The following DLG2 variants were observed in gnomAD, a reference collection of about 807,000 sequenced individuals.
The protein encoded by DLG2 is disks large homolog 2.
Under a neutral mutation model 132.5 loss-of-function variants are expected in DLG2, and 45 were observed. That is an observed-to-expected ratio of 0.34 (90% CI 0.27 to 0.44). The LOEUF (loss-of-function observed/expected upper bound fraction) is 0.44. DLG2 is among the 20% of genes least tolerant of loss of function. DLG2 has a pLI of 1.00. For missense variants in DLG2, 1,045 were observed against 1,196.9 expected (o/e 0.87, Z 1.87); for synonymous variants, 424 against 419.6 (o/e 1.01, Z -0.13).
intron 6 of DLG2, among the ~76,000 whole-genome samples, chr11:84,895,391 T>A (rs11234229): frequency 0.097 from 14,728 of 152,124 alleles, 940 homozygotes; most frequent in African/African-American, 0.18. Context: ...TATTATTTTT[T>A]AAAAAAGACC....
At chr11:83,740,617 T>C (rs1027235410) in intron 18 of DLG2, among the ~76,000 whole-genome samples, 1 of 152,198 alleles carries the variant, frequency 6.6e-6, no homozygotes, top group African/African-American at 2.4e-5. Flanking sequence ...TTCTGATTTG[T>C]GCATTTTCCT....
intron 6 of DLG2, among the ~76,000 whole-genome samples, chr11:84,593,693 T>C (rs948055999): frequency 3.9e-5 from 6 of 152,110 alleles, no homozygotes; most frequent in African/African-American, 1.4e-4. Context: ...AAATACCTAA[T>C]GTAGACGACG....
At position 85,276,681 on chromosome 11, in the gene DLG2, C is replaced by G. The variant is rs192326379; in HGVS notation, c.186+8539G>C. ...CTAAGCATCTTTTCACTGGGTCAAC[C>G]AGGAAATTTTAATTCATGTTTCTAG... On this transcript the variant is annotated intron_variant, in intron 4 of 27. Transcript: ENST00000376104. 1.4e-4 allele frequency among the ~76,000 whole-genome samples: 21 copies of G among 152,208 alleles called. 1 individual carries two copies. Among genetic ancestry groups the G allele is most frequent in the African/African-American group, 4.1e-4 (17 of 41,542 alleles).
intron 7 of DLG2, among the ~76,000 whole-genome samples, chr11:84,426,621 T>C (rs1447052940): frequency 6.6e-6 from 1 of 152,130 alleles, no homozygotes; most frequent in Non-Finnish European, 1.5e-5. Flanking sequence ...AATGTTATTA[T>C]TATTATCTAC....
intron 19 of DLG2, among the ~76,000 whole-genome samples, chr11:83,604,145 A>G (rs1424469877): frequency 6.6e-6 from 1 of 152,228 alleles, no homozygotes; most frequent in Non-Finnish European, 1.5e-5. Flanking sequence ...CTAAATTAAA[A>G]ACAAAAAGAC....
intron 19 of DLG2, among the ~76,000 whole-genome samples, chr11:83,624,932 A>G (rs555260565): frequency 6.6e-6 from 1 of 152,300 alleles, no homozygotes; most frequent in Admixed American, 6.5e-5. Context: ...CAGGTACCTG[A>G]TCATGTTCCC....
chr11:84,609,286 T>C (rs754880266), intron 6 of DLG2, among the ~76,000 whole-genome samples: 3 of 152,118 alleles, frequency 2.0e-5, no homozygotes, highest in African/African-American at 7.2e-5. Flanking sequence ...ATAGACCCTA[T>C]CTCAGTGGCT....
At chr11:84,110,535 G>C (rs1352189575) in intron 9 of DLG2, among the ~76,000 whole-genome samples, 2 of 152,126 alleles carry the variant, frequency 1.3e-5, no homozygotes, top group Non-Finnish European at 2.9e-5. Flanking sequence ...GAAGGAAAAT[G>C]GGGAAGCATC....
intron 7 of DLG2, among the ~76,000 whole-genome samples, chr11:84,496,288 G>T (rs2099183558): frequency 6.6e-6 from 1 of 152,170 alleles, no homozygotes; most frequent in African/African-American, 2.4e-5. Context: ...GATGAACAAT[G>T]ACTACTGCAT....
chr11:85,207,566 G>A (rs1014164008), intron 4 of DLG2, among the ~76,000 whole-genome samples: 1 of 152,038 alleles, frequency 6.6e-6, no homozygotes, highest in African/African-American at 2.4e-5. Context: ...GCAATTCTCA[G>A]TGCTTAACAC....
At chr11:84,776,367 G>A in intron 6 of DLG2, among the ~76,000 whole-genome samples, 1 of 152,060 alleles carries the variant, frequency 6.6e-6, no homozygotes, top group Non-Finnish European at 1.5e-5. Flanking sequence ...ATGTTGCCCA[G>A]GCTGGTCTTG....
intron 6 of DLG2, among the ~76,000 whole-genome samples, chr11:84,873,361 C>T (rs755440363): frequency 6.6e-6 from 1 of 152,204 alleles, no homozygotes; most frequent in Non-Finnish European, 1.5e-5. Context: ...CCAGAACCTC[C>T]AAAAGGAACA....
chr11:84,408,336 G>GTTAT (rs1567554421), intron 7 of DLG2, among the ~76,000 whole-genome samples: 4 of 121,208 alleles, frequency 3.3e-5, no homozygotes, highest in Admixed American at 2.2e-4. Flanking sequence ...ACTTGCACAT[G>GTTAT]TTATATATAT....
intron 6 of DLG2, among the ~76,000 whole-genome samples, chr11:85,108,728 ACT>A (rs2072226147): frequency 6.6e-6 from 1 of 151,992 alleles, no homozygotes; most frequent in Non-Finnish European, 1.5e-5. Flanking sequence ...TCTAGGGGAG[ACT>A]CAGTAAACAT....
At chr11:85,537,842 C>T (rs1025198532) in intron 3 of DLG2, among the ~76,000 whole-genome samples, 4 of 151,978 alleles carry the variant, frequency 2.6e-5, no homozygotes, top group Admixed American at 1.3e-4. Flanking sequence ...CGCGGCCAGG[C>T]GTGGTGGCTC....
intron 4 of DLG2, among the ~76,000 whole-genome samples, chr11:85,180,276 T>A (rs183045668): frequency 6.6e-6 from 1 of 152,004 alleles, no homozygotes; most frequent in East Asian, 1.9e-4. Flanking sequence ...CTTGTGATAA[T>A]AGGTGACATT....
Position 84,385,638 on chromosome 11 carries a change from G to T in DLG2, c.520-134347C>A, listed in dbSNP as rs1601161570. Among the ~76,000 whole-genome samples, 2 of 152,014 alleles carry T rather than the reference G, an allele frequency of 1.3e-5. 1 individual carries two copies. Among genetic ancestry groups the T allele is most frequent in the South Asian group, 4.2e-4 (2 of 4,818 alleles). ...CCAGGACCCTGTTGTAGTAAACATT[G>T]TATCTCCAGGGCCTGGAATAGTGCC... On this transcript the variant is annotated intron_variant, in intron 7 of 27. Transcript: ENST00000376104.
At chr11:85,118,202 A>G (rs2073900286) in intron 5 of DLG2, among the ~76,000 whole-genome samples, 1 of 152,052 alleles carries the variant, frequency 6.6e-6, no homozygotes, top group Non-Finnish European at 1.5e-5. Context: ...CCTTACTAAA[A>G]CTGAAGCCAT....
chr11:84,287,802 A>G (rs573466710), intron 7 of DLG2, among the ~76,000 whole-genome samples: 2 of 150,154 alleles, frequency 1.3e-5, no homozygotes, highest in South Asian at 4.2e-4. Context: ...CGTCTATTTC[A>G]TATAGAAGGA....
Sources: gnomAD v4.1 joint callset for allele counts (sites outside exome capture counted in the v4.1 genomes callset) on GRCh38, gnomAD v4.1.1 for gene constraint, MANE v1.5 for transcripts, NCBI Gene and HGNC (gene_info 2026-07-23, HGNC 2026-07-21) for gene names.